EFEMP1: variants seen among roughly 807,000 people sequenced by gnomAD.
The protein encoded by EFEMP1 is EGF-containing fibulin-like extracellular matrix protein 1.
EFEMP1 carries 18 observed loss-of-function variants against 65.7 expected under a neutral mutation model. The ratio of observed to expected loss-of-function variants is 0.27; its 90% CI spans 0.19 to 0.41. The LOEUF (loss-of-function observed/expected upper bound fraction) is 0.41. EFEMP1 is among the 10% of genes least tolerant of loss of function. The probability of loss-of-function intolerance (pLI) is 1.00; values close to 1 mark genes in which losing one functional copy is unlikely to be tolerated. For synonymous variants in EFEMP1, 237 were observed against 219.7 expected (o/e 1.08, Z -0.70); for missense variants, 469 against 624.8 (o/e 0.75, Z 2.66).
chr2:55,922,393 C>G lies in EFEMP1; in HGVS notation c.48G>C (p.Lys16Asn). The G allele has an allele frequency of 6.2e-7, 1 of 1,614,004 alleles. No homozygotes were observed. The highest frequency in any genetic ancestry group is 8.5e-7 in the Non-Finnish European group (1 of 1,179,890). The change falls in exon 3 of 12, where the codon AAG becomes AAC. Residue 16 changes from lysine (K) to asparagine (N), a missense_variant. Physicochemically the swap from Lys to Asn is moderately conservative, Grantham distance 94 (BLOSUM62 0). This residue lies in a region of EFEMP1 where 66 missense variants were observed against 73.0 expected (regional missense o/e 0.90). Coordinates refer to ENST00000355426, the MANE Select transcript of EFEMP1 (RefSeq NM_001039348.3). The surrounding 1 kb of genome is among the most constrained non-coding windows in gnomAD (Gnocchi z 5.5). Reference protein sequence around the residue: ...FLTMLTLALVKSQDTEETITY... With the variant: ...FLTMLTLALVNSQDTEETITY... ...TGATGGTTTCTTCGGTGTCCTGTGA[C>G]TTGACCAGCGCCAGAGTCAGCATAG...
chr2:55,918,390 T>C (rs1670789130), intron 3 of EFEMP1, 123 bp from the exon 4 acceptor site: 4 of 1,132,090 alleles, frequency 3.5e-6, no homozygotes, highest in East Asian at 2.4e-5. Context: ...CCTAGATATA[T>C]GATGAGATGG....
chr2:55,890,014 A>G (rs773337357), intron 5 of EFEMP1, among the ~76,000 whole-genome samples: 3 of 152,104 alleles, frequency 2.0e-5, no homozygotes, highest in Non-Finnish European at 4.4e-5. Flanking sequence ...TAAATGGACT[A>G]AATGCACTCA....
intron 5 of EFEMP1, among the ~76,000 whole-genome samples, chr2:55,895,686 CG>C (rs1669801594): frequency 1.3e-5 from 2 of 151,740 alleles, no homozygotes; most frequent in Admixed American, 1.3e-4. Flanking sequence ...GGACTACAGG[CG>C]CCCGCCACCT....
chr2:55,879,132 G>A (rs55834854), intron 6 of EFEMP1, among the ~76,000 whole-genome samples: 2,954 of 152,190 alleles, frequency 0.019, 56 homozygotes, highest in South Asian at 0.08. Flanking sequence ...ATTGTGTTAT[G>A]TGTTTATTTG....
chr2:55,916,485 G>A (rs1428338378), intron 5 of EFEMP1, among the ~76,000 whole-genome samples: 1 of 152,162 alleles, frequency 6.6e-6, no homozygotes, highest in Non-Finnish European at 1.5e-5. Flanking sequence ...GGTGAATAAG[G>A]GGCAGCATCC....
At chr2:55,915,157 C>G (rs1276859318) in intron 5 of EFEMP1, among the ~76,000 whole-genome samples, 1 of 152,146 alleles carries the variant, frequency 6.6e-6, no homozygotes, top group African/African-American at 2.4e-5. Flanking sequence ...GGAAGAAATC[C>G]AACTTAAGCC....
chr2:55,870,827 A>C lies in EFEMP1; in HGVS notation c.1213T>G (p.Ser405Ala). The change falls in exon 11 of 12, where the codon TCT (serine) becomes GCT (alanine). Residue 405 changes from serine to alanine, a missense_variant. By Grantham distance (99) the Ser-to-Ala change is moderately conservative (BLOSUM62 1). Around this residue, in one of 3 missense-constraint regions of EFEMP1, gnomAD observed 399 missense variants for 528.2 expected, o/e 0.76. Coordinates refer to ENST00000355426, the MANE Select transcript of EFEMP1 (RefSeq NM_001039348.3). This position sits in a 1 kb window ranked among gnomAD's most constrained non-coding sequence, Gnocchi z 5.8. ...ATCTGGAAGATGTCTGATGGCACAG[A>C]CCTATCAGATCGGATGCTCATGTAT... ...YKYMSIRSDR[S>A]VPSDIFQIQA... is the part of the protein sequence containing the mutation. The C allele has an allele frequency of 6.2e-7, 1 of 1,613,832 alleles. No homozygotes were observed. Among genetic ancestry groups the C allele is most frequent in the Non-Finnish European group, 8.5e-7 (1 of 1,179,832 alleles).
In EFEMP1 at chr2:55,885,185, A is replaced by G. The variant is rs1011842345; in HGVS notation, c.518-3451T>C. 3.9e-5 allele frequency among the ~76,000 whole-genome samples: 6 copies of G among 152,198 alleles called. No homozygotes were observed. Among genetic ancestry groups the G allele is most frequent in the African/African-American group, 1.4e-4 (6 of 41,456 alleles). ...AGGTGGGTTCTCCACTGCATTTTGAAGAAGACGAGATACATGGGTTGCCAG... is the reference window on the plus strand; with the variant it reads ...AGGTGGGTTCTCCACTGCATTTTGAGGAAGACGAGATACATGGGTTGCCAG... On this transcript the variant is annotated intron_variant, in intron 5 of 11. Coordinates refer to ENST00000355426, the MANE Select transcript of EFEMP1 (RefSeq NM_001039348.3). This position sits in a 1 kb window ranked among gnomAD's most constrained non-coding sequence, Gnocchi z 4.3.
rs1225941938 is a variant in EFEMP1, at chr2:55,921,884, T to C, written c.81+476A>G. 1 of 186,610 alleles carries C rather than the reference T, an allele frequency of 5.4e-6. No individual in the cohort carries two copies. The highest frequency in any genetic ancestry group is 1.1e-5 in the Non-Finnish European group (1 of 87,438). 11.6% of individuals were successfully genotyped at this position (186,610 alleles called of 1,614,324 possible). A position where few individuals can be genotyped will look rare whatever the true frequency, so the allele number is the denominator to read the frequency against. ...TACAAAAAGAATGAATATATAGCCT[T>C]TATAAATTCAATAAAGGCCACTTAC... On this transcript the variant is annotated intron_variant, in intron 3 of 11. Transcript: ENST00000355426. The surrounding 1 kb of genome is among the most constrained non-coding windows in gnomAD (Gnocchi z 4.1).
rs1206563426 is a variant in EFEMP1, at chr2:55,873,908, C to T, written c.1000+1038G>A. ...GATCTTTATTGTCCTTGTGTGCCTT[C>T]ACTCCAACTCTGATTAAAAAGGACT... On this transcript the variant is annotated intron_variant, in intron 9 of 11. Transcript: ENST00000355426. The surrounding 1 kb of genome is among the most constrained non-coding windows in gnomAD (Gnocchi z 4.6). 6.6e-6 allele frequency among the ~76,000 whole-genome samples: 1 copy of T among 151,792 alleles called. No individual in the cohort carries two copies. Among genetic ancestry groups the T allele is most frequent in the Non-Finnish European group, 1.5e-5 (1 of 67,900 alleles).
chr2:55,922,146 G>C lies in EFEMP1; in HGVS notation c.81+214C>G. The C allele has an allele frequency of 1.9e-6, 1 of 531,132 alleles. No individual in the cohort carries two copies. The highest frequency in any genetic ancestry group is 3.4e-6 in the Non-Finnish European group (1 of 290,468). 32.9% of individuals were successfully genotyped at this position (531,132 alleles called of 1,614,324 possible). On this transcript the variant is annotated intron_variant, in intron 3 of 11. Coordinates refer to ENST00000355426, the MANE Select transcript of EFEMP1 (RefSeq NM_001039348.3). This position sits in a 1 kb window ranked among gnomAD's most constrained non-coding sequence, Gnocchi z 5.5. ...AGCCCTGCACAAATGATTACATGTTGGTTCCTATCTTAGGTGGTGAGCCCA... is the reference window on the plus strand; with the variant it reads ...AGCCCTGCACAAATGATTACATGTTCGTTCCTATCTTAGGTGGTGAGCCCA...
chr2:55,869,823 C>T (rs1668730321), intron 11 of EFEMP1, among the ~76,000 whole-genome samples: 1 of 152,102 alleles, frequency 6.6e-6, no homozygotes, highest in Admixed American at 6.6e-5. Flanking sequence ...CCATCATTTT[C>T]ACATGAAGTG....
intron 9 of EFEMP1, among the ~76,000 whole-genome samples, chr2:55,874,107 T>C (rs1668929256): frequency 6.6e-6 from 1 of 152,092 alleles, no homozygotes; most frequent in Non-Finnish European, 1.5e-5. Context: ...GTTTGATAAT[T>C]TGTTCAAGAT....
At chr2:55,914,238 A>G (rs145076788) in intron 5 of EFEMP1, among the ~76,000 whole-genome samples, 13 of 152,180 alleles carry the variant, frequency 8.5e-5, no homozygotes, top group South Asian at 4.1e-4. Flanking sequence ...AGATGCCAAG[A>G]ATAATGTCAG....
At chr2:55,904,995 T>TTTTTTTTTTTTTTTTTTG (rs1670195193) in intron 5 of EFEMP1, among the ~76,000 whole-genome samples, 1 of 118,512 alleles carries the variant, frequency 8.4e-6, no homozygotes, top group Non-Finnish European at 1.7e-5. Flanking sequence ...CTTTTTTTTT[T>TTTTTTTTTTTTTTTTTTG]TTTTTTGCTG....
In EFEMP1 at chr2:55,923,623, C is replaced by A. The variant is rs773157615; in HGVS notation, c.-49+88G>T. ...CAGGGCAGTTCTCGGGTACTCAACA[C>A]CCCTCAGCTCACCCCACCTCACTCT... is the stretch of plus-strand genomic sequence containing the variant. On this transcript the variant is annotated intron_variant, in intron 1 of 11. Coordinates refer to ENST00000355426, the MANE Select transcript of EFEMP1 (RefSeq NM_001039348.3). This position sits in a 1 kb window ranked among gnomAD's most constrained non-coding sequence, Gnocchi z 5.3. The A allele has an allele frequency of 1.0e-6, 1 of 985,734 alleles. No individual in the cohort carries two copies. The highest frequency in any genetic ancestry group is 1.2e-6 in the Non-Finnish European group (1 of 830,194). 61.1% of individuals were successfully genotyped at this position (985,734 alleles called of 1,614,324 possible).
In EFEMP1 at chr2:55,873,896, C is replaced by T. The variant is rs1288794829; in HGVS notation, c.1000+1050G>A. Among the ~76,000 whole-genome samples, 3 of 151,788 alleles carry T rather than the reference C, an allele frequency of 2.0e-5. No homozygotes were observed. Among genetic ancestry groups the T allele is most frequent in the African/African-American group, 7.3e-5 (3 of 41,378 alleles). Reference sequence around the variant, plus strand: ...TTTTCTTAACAGGATCTTTATTGTCCTTGTGTGCCTTCACTCCAACTCTGA... The same window carrying T: ...TTTTCTTAACAGGATCTTTATTGTCTTTGTGTGCCTTCACTCCAACTCTGA... On this transcript the variant is annotated intron_variant, in intron 9 of 11. Transcript: ENST00000355426. This position sits in a 1 kb window ranked among gnomAD's most constrained non-coding sequence, Gnocchi z 4.6.
At chr2:55,912,188 G>A (rs1670503951) in intron 5 of EFEMP1, among the ~76,000 whole-genome samples, 1 of 152,032 alleles carries the variant, frequency 6.6e-6, no homozygotes, top group Non-Finnish European at 1.5e-5. Flanking sequence ...CTCAATTATA[G>A]TCTTCCTTTT....
chr2:55,906,993 T>A (rs1409807444), intron 5 of EFEMP1, among the ~76,000 whole-genome samples: 1 of 152,238 alleles, frequency 6.6e-6, no homozygotes, highest in Non-Finnish European at 1.5e-5. Context: ...TCACTTCTTT[T>A]TTGTCAACAC....
Sources: allele counts gnomAD v4.1 joint callset (sites outside exome capture counted in the v4.1 genomes callset), GRCh38; gene constraint gnomAD v4.1.1; regional missense constraint gnomAD v4.1.1; non-coding constraint Gnocchi (gnomAD v3.1); transcripts MANE v1.5; gene names NCBI Gene and HGNC (gene_info 2026-07-23, HGNC 2026-07-21).